Variants in IPCEF1 observed in about 807,000 individuals in gnomAD.
IPCEF1 encodes the protein interaction protein for cytohesin exchange factors 1.
A neutral mutation model predicts 50.9 loss-of-function variants in IPCEF1; 31 were observed. The ratio of observed to expected loss-of-function variants is 0.61; its 90% CI spans 0.46 to 0.82. IPCEF1 has a LOEUF of 0.82. Among genes scored for constraint, IPCEF1 ranks in the 40% least tolerant of loss-of-function variants. IPCEF1 has a pLI of 0.00. For synonymous variants in IPCEF1, 181 were observed against 192.0 expected (o/e 0.94, Z 0.47); for missense variants, 458 against 514.0 (o/e 0.89, Z 1.05).
At chr6:154,282,413 T>G (rs898250934) in intron 2 of IPCEF1, among the ~76,000 whole-genome samples, 1 of 152,182 alleles carries the variant, frequency 6.6e-6, no homozygotes, top group African/African-American at 2.4e-5. Context: ...CAGGGCGCGG[T>G]GGCTCACGCC....
chr6:154,154,563 A>G lies in IPCEF1; in HGVS notation c.*5265T>C, dbSNP rs1358715011. 1 of 152,202 alleles carries G rather than the reference A, an allele frequency of 6.6e-6. No homozygotes were observed. Among genetic ancestry groups the G allele is most frequent in the African/African-American group, 2.4e-5 (1 of 41,454 alleles). The allele number at this position is 152,202 out of a possible 1,614,324, so 9.4% of individuals were successfully genotyped here. Reference sequence around the variant, plus strand: ...TCTAGAAGCGATTTTGATGACTGCCACCAGAGGGCACTGTAACCTTGTTGT... The same window carrying G: ...TCTAGAAGCGATTTTGATGACTGCCGCCAGAGGGCACTGTAACCTTGTTGT... On this transcript the variant is annotated 3_prime_UTR_variant, in exon 12 of 12. Transcript: ENST00000367220.
Position 154,223,261 on chromosome 6 carries a change from C to T in IPCEF1, c.247-18G>A. The T allele has an allele frequency of 6.3e-7, 1 of 1,591,510 alleles. No homozygotes were observed. Among genetic ancestry groups the T allele is most frequent in the Non-Finnish European group, 8.6e-7 (1 of 1,162,732 alleles). On this transcript the variant is annotated intron_variant, in intron 5 of 11. Transcript: ENST00000367220. ...TTCTCTGCCTGAAACAAATATATACCACAAATAGGAATGAATGCATCAATC... is the reference window on the plus strand; with the variant it reads ...TTCTCTGCCTGAAACAAATATATACTACAAATAGGAATGAATGCATCAATC...
chr6:154,289,691 C>T (rs936855382), intron 2 of IPCEF1, 22 bp downstream of exon 2: 1 of 146,922 alleles, frequency 6.8e-6, no homozygotes, highest in South Asian at 2.1e-4. Flanking sequence ...GAATTCGTTG[C>T]AAAGAATTTT....
chr6:154,346,008 G>A (rs1381746728), intron 1 of IPCEF1, among the ~76,000 whole-genome samples: 1 of 152,020 alleles, frequency 6.6e-6, no homozygotes, highest in Non-Finnish European at 1.5e-5. Flanking sequence ...TGAAACCACA[G>A]GCATGTGCCA....
At position 154,168,107 on chromosome 6, in the gene IPCEF1, G is replaced by T; in HGVS notation, c.917C>A (p.Thr306Lys). Residue 306 changes from threonine to lysine, a missense_variant, in exon 11 of 12, where the codon ACA (threonine) becomes AAA (lysine). Physicochemically the swap from Thr to Lys is moderately conservative, Grantham distance 78. Transcript: ENST00000367220. This position sits in a 1 kb window ranked among gnomAD's most constrained non-coding sequence, Gnocchi z 4.1. Reference sequence around the variant, plus strand: ...CATTTCATCATCTTCAGACACTTTTGTCTCTTCTATTTGAAAAAAAAAAAG... The same window carrying T: ...CATTTCATCATCTTCAGACACTTTTTTCTCTTCTATTTGAAAAAAAAAAAG... ...AGSKIMDKEETKVSEDDEMEK... is the reference protein window; with the variant it reads ...AGSKIMDKEEKKVSEDDEMEK... 2 of 1,527,868 alleles carry T rather than the reference G, an allele frequency of 1.3e-6. No homozygotes were observed. The highest frequency in any genetic ancestry group is 2.0e-5 in the Admixed American group (1 of 51,262). The allele number at this position is 1,527,868 out of a possible 1,614,324, so 94.6% of individuals were successfully genotyped here.
chr6:154,301,960 G>A (rs1287859062), intron 1 of IPCEF1, among the ~76,000 whole-genome samples: 1 of 152,178 alleles, frequency 6.6e-6, no homozygotes, highest in Non-Finnish European at 1.5e-5. Context: ...ACGATGTGTT[G>A]GTTATGACAT....
At chr6:154,306,355 C>CT (rs72149272) in intron 1 of IPCEF1, among the ~76,000 whole-genome samples, 24,066 of 151,728 alleles carry the variant, frequency 0.16, 2,460 homozygotes, top group East Asian at 0.33. Flanking sequence ...CCTTTCATTT[C>CT]TTTTTATTTT....
chr6:154,339,427 T>C (rs1033385245), intron 1 of IPCEF1, among the ~76,000 whole-genome samples: 11 of 151,160 alleles, frequency 7.3e-5, no homozygotes, highest in African/African-American at 2.4e-4. Context: ...TTATCTTTTT[T>C]TAATCTTTAA....
At chr6:154,273,723 TC>T (rs1447485413) in intron 2 of IPCEF1, among the ~76,000 whole-genome samples, 15 of 134,936 alleles carry the variant, frequency 1.1e-4, no homozygotes, top group African/African-American at 1.7e-4. Context: ...TTTCTTTCTT[TC>T]TTTTTTTTTT....
At chr6:154,272,314 A>T (rs1415159894) in intron 2 of IPCEF1, among the ~76,000 whole-genome samples, 2 of 152,242 alleles carry the variant, frequency 1.3e-5, no homozygotes, top group Non-Finnish European at 2.9e-5. Flanking sequence ...AAAGGGATTG[A>T]ACAAGTGTGA....
Position 154,291,810 on chromosome 6 carries a change from A to G in IPCEF1, c.-61-2054T>C, listed in dbSNP as rs1007613747. Among the ~76,000 whole-genome samples, 3 of 145,938 alleles carry G rather than the reference A, an allele frequency of 2.1e-5. No individual in the cohort carries two copies. The South Asian group carries it at 6.6e-4, about 32-fold the overall frequency. On this transcript the variant is annotated intron_variant, in intron 1 of 11. Transcript: ENST00000367220. ...CGCCATTCTCCTGCCTCAGCCTCCC[A>G]AGTAGCTGGGACTACAGGTGCCCAC...
intron 2 of IPCEF1, among the ~76,000 whole-genome samples, chr6:154,289,069 G>A (rs1177778804): frequency 6.6e-6 from 1 of 151,856 alleles, no homozygotes; most frequent in African/African-American, 2.4e-5. Flanking sequence ...ACAAACAAGA[G>A]TTAAACCAAA....
chr6:154,222,989 T>C, intron 6 of IPCEF1, 181 bp downstream of exon 6: 1 of 609,650 alleles, frequency 1.6e-6, no homozygotes, highest in Non-Finnish European at 2.9e-6. Context: ...AAAACGAAAT[T>C]CCAGAAAATG....
intron 1 of IPCEF1, among the ~76,000 whole-genome samples, chr6:154,296,926 C>G (rs1478525356): frequency 6.6e-6 from 1 of 152,132 alleles, no homozygotes; most frequent in Admixed American, 6.5e-5. Context: ...TGACAGGGCC[C>G]CAGCCACAGT....
Position 154,254,169 on chromosome 6 carries a change from A to G in IPCEF1, c.37-6681T>C, listed in dbSNP as rs149097744. 3.3e-3 allele frequency among the ~76,000 whole-genome samples: 510 copies of G among 152,256 alleles called. 5 individuals carry two copies. Among genetic ancestry groups the G allele is most frequent in the African/African-American group, 0.012 (482 of 41,542 alleles). On this transcript the variant is annotated intron_variant, in intron 3 of 11. Coordinates refer to ENST00000367220, the MANE Select transcript of IPCEF1 (RefSeq NM_001130700.2). ...AGAACATATGATCTTTATGATACCA[A>G]TTTCTTGAAATTATTAGCATTTATT...
At chr6:154,300,197 T>G (rs1945453465) in intron 1 of IPCEF1, among the ~76,000 whole-genome samples, 1 of 141,738 alleles carries the variant, frequency 7.1e-6, no homozygotes, top group African/African-American at 2.5e-5. Context: ...CAGATGCAAT[T>G]TTAGGTTAAA....
At chr6:154,233,452 T>C (rs1453636584) in intron 5 of IPCEF1, among the ~76,000 whole-genome samples, 1 of 152,194 alleles carries the variant, frequency 6.6e-6, no homozygotes, top group Non-Finnish European at 1.5e-5. Context: ...TTAGCTAACA[T>C]TACCCTATGA....
At chr6:154,324,342 G>A (rs990863587) in intron 1 of IPCEF1, among the ~76,000 whole-genome samples, 1 of 152,198 alleles carries the variant, frequency 6.6e-6, no homozygotes, top group Admixed American at 6.5e-5. Context: ...AAGTTGGGAG[G>A]AACACTTGAG....
chr6:154,160,751 C>A (rs1583671403), intron 11 of IPCEF1, among the ~76,000 whole-genome samples: 1 of 152,138 alleles, frequency 6.6e-6, no homozygotes, highest in East Asian at 1.9e-4. Flanking sequence ...ATATTAAAAA[C>A]AAATATTCAG....
Sources: allele counts gnomAD v4.1 joint callset (sites outside exome capture counted in the v4.1 genomes callset), GRCh38; gene constraint gnomAD v4.1.1; non-coding constraint Gnocchi (gnomAD v3.1); transcripts MANE v1.5; gene names NCBI Gene and HGNC (gene_info 2026-07-23, HGNC 2026-07-21).